Variants in CDH18 observed in about 807,000 individuals in gnomAD.
CDH18 encodes cadherin 18, also known as cadherin-18.
In CDH18, 31 loss-of-function variants were observed where a neutral mutation model predicts 67.9. The ratio of observed to expected loss-of-function variants is 0.46; its 90% CI spans 0.34 to 0.62. CDH18 has a LOEUF of 0.62. Among genes scored for constraint, CDH18 ranks in the 20% least tolerant of loss-of-function variants. The pLI is 0.01. For missense variants in CDH18, 890 were observed against 975.5 expected (o/e 0.91, Z 1.17); for synonymous variants, 362 against 347.2 (o/e 1.04, Z -0.48).
At chr5:19,552,195 G>C (rs2127149107) in intron 8 of CDH18, among the ~76,000 whole-genome samples, 1 of 152,124 alleles carries the variant, frequency 6.6e-6, no homozygotes, top group Non-Finnish European at 1.5e-5. Flanking sequence ...GCTTAAAATT[G>C]GTTAGATTTA....
At chr5:19,582,336 T>C (rs1371912329) in intron 7 of CDH18, among the ~76,000 whole-genome samples, 2 of 152,142 alleles carry the variant, frequency 1.3e-5, no homozygotes, top group Middle Eastern at 3.4e-3. Context: ...GTCAGATCAT[T>C]AGTTTCCAAA....
chr5:20,396,152 G>C (rs1176484787), intron 1 of CDH18, among the ~76,000 whole-genome samples: 5 of 152,150 alleles, frequency 3.3e-5, no homozygotes, highest in African/African-American at 9.7e-5. Context: ...GTCACAACCT[G>C]GGACTTGTGA....
chr5:19,847,501 C>T (rs1372800022), intron 2 of CDH18, among the ~76,000 whole-genome samples: 2 of 151,998 alleles, frequency 1.3e-5, no homozygotes, highest in African/African-American at 2.4e-5. Flanking sequence ...TTTGTTTATG[C>T]ATTGTTTTAC....
intron 2 of CDH18, among the ~76,000 whole-genome samples, chr5:20,193,978 C>T (rs936923570): frequency 1.3e-5 from 2 of 152,022 alleles, no homozygotes; most frequent in African/African-American, 4.8e-5. Context: ...TTATGACAAA[C>T]CCACAACCAA....
intron 10 of CDH18, among the ~76,000 whole-genome samples, chr5:19,508,450 T>C (rs576294430): frequency 1.3e-5 from 2 of 152,266 alleles, no homozygotes; most frequent in African/African-American, 4.8e-5. Flanking sequence ...TGTCTTCTAA[T>C]TGAACCCAAA....
At chr5:20,460,959 C>T (rs1262670607) in intron 1 of CDH18, among the ~76,000 whole-genome samples, 1 of 152,144 alleles carries the variant, frequency 6.6e-6, no homozygotes, top group Non-Finnish European at 1.5e-5. Flanking sequence ...CAGGAGCTAG[C>T]AATCACATCT....
intron 1 of CDH18, among the ~76,000 whole-genome samples, chr5:20,418,712 G>T (rs1465643229): frequency 6.6e-6 from 1 of 152,024 alleles, no homozygotes; most frequent in Non-Finnish European, 1.5e-5. Context: ...GTTTAACTGT[G>T]TGCGTATAAA....
At chr5:20,034,477 G>A (rs1488624766) in intron 2 of CDH18, among the ~76,000 whole-genome samples, 1 of 151,986 alleles carries the variant, frequency 6.6e-6, no homozygotes, top group Non-Finnish European at 1.5e-5. Flanking sequence ...ATTATTTCTA[G>A]GTGCATCAGT....
intron 2 of CDH18, among the ~76,000 whole-genome samples, chr5:20,105,051 C>T (rs990782629): frequency 6.6e-6 from 1 of 151,948 alleles, no homozygotes; most frequent in Non-Finnish European, 1.5e-5. Context: ...TGCAATGACA[C>T]GATCTTGGCT....
intron 1 of CDH18, among the ~76,000 whole-genome samples, chr5:20,302,674 A>G (rs1291422252): frequency 1.3e-5 from 2 of 152,188 alleles, no homozygotes; most frequent in African/African-American, 4.8e-5. Flanking sequence ...GTAGTTTTTA[A>G]AAAGCCACTG....
chr5:20,385,986 T>A (rs1157569042), intron 1 of CDH18, among the ~76,000 whole-genome samples: 1 of 152,220 alleles, frequency 6.6e-6, no homozygotes, highest in Non-Finnish European at 1.5e-5. Context: ...TTGTTACACA[T>A]AATTTAATAA....
At chr5:20,440,114 ATTCATTCC>A (rs1470275988) in intron 1 of CDH18, among the ~76,000 whole-genome samples, 1 of 151,852 alleles carries the variant, frequency 6.6e-6, no homozygotes, top group Non-Finnish European at 1.5e-5. Context: ...GAATTCAAGT[ATTCATTCC>A]TTAAAATGTC....
chr5:20,307,294 A>G (rs535638636), intron 1 of CDH18, among the ~76,000 whole-genome samples: 4 of 152,092 alleles, frequency 2.6e-5, no homozygotes, highest in South Asian at 2.1e-4. Context: ...TTTTTTTTAA[A>G]TAACATTTTG....
intron 2 of CDH18, among the ~76,000 whole-genome samples, chr5:20,145,530 G>C (rs114684372): frequency 0.011 from 1,598 of 152,060 alleles, 19 homozygotes; most frequent in Middle Eastern, 0.027. Context: ...TTTGTTTTTT[G>C]CTTCACTCAA....
At chr5:20,361,671 T>C (rs1345622101) in intron 1 of CDH18, among the ~76,000 whole-genome samples, 1 of 152,108 alleles carries the variant, frequency 6.6e-6, no homozygotes, top group South Asian at 2.1e-4. Context: ...GCAAATATAC[T>C]GAAATCAAGG....
At chr5:20,129,919 A>G (rs1373724780) in intron 2 of CDH18, among the ~76,000 whole-genome samples, 2 of 151,942 alleles carry the variant, frequency 1.3e-5, no homozygotes, top group African/African-American at 2.4e-5. Flanking sequence ...TGGGCACTAC[A>G]TAACAAATAT....
intron 1 of CDH18, among the ~76,000 whole-genome samples, chr5:20,349,629 A>G (rs1047393765): frequency 6.6e-6 from 1 of 152,272 alleles, no homozygotes; most frequent in South Asian, 2.1e-4. Flanking sequence ...TATATCAAGC[A>G]CAGGGAATAC....
At chr5:19,540,996 G>A (rs1361857744) in intron 9 of CDH18, among the ~76,000 whole-genome samples, 1 of 152,110 alleles carries the variant, frequency 6.6e-6, no homozygotes, top group Non-Finnish European at 1.5e-5. Flanking sequence ...TCAACAAGCT[G>A]TAAATTTTCC....
At chr5:20,342,069 C>T (rs1740311442) in intron 1 of CDH18, among the ~76,000 whole-genome samples, 1 of 152,032 alleles carries the variant, frequency 6.6e-6, no homozygotes, top group South Asian at 2.1e-4. Context: ...AGTTTTGTCT[C>T]CTGGAGAGAA....
Sources: gnomAD v4.1 joint callset for allele counts (sites outside exome capture counted in the v4.1 genomes callset) on GRCh38, gnomAD v4.1.1 for gene constraint, MANE v1.5 for transcripts, NCBI Gene and HGNC (gene_info 2026-07-23, HGNC 2026-07-21) for gene names.